DICER1: variants seen among roughly 807,000 people sequenced by gnomAD.
The protein encoded by DICER1 is endoribonuclease Dicer.
In DICER1, 43 loss-of-function variants were observed where a neutral mutation model predicts 194.1. The observed-to-expected ratio is 0.22, with a 90% CI of 0.17 to 0.29. The LOEUF (loss-of-function observed/expected upper bound fraction) is 0.29. DICER1 is among the 10% of genes least tolerant of loss of function. The probability of loss-of-function intolerance (pLI) is 1.00; values close to 1 mark genes in which losing one functional copy is unlikely to be tolerated. For synonymous variants in DICER1, 832 were observed against 820.5 expected, an observed-to-expected ratio of 1.01 and a Z score of -0.24; for missense variants, 1,608 against 2,317.0, an observed-to-expected ratio of 0.69 and a Z score of 6.28.
In DICER1 at chr14:95,090,125, T is replaced by TAA. The variant is rs1889654722; in HGVS notation, c.*372_*373insTT. On this transcript the variant is annotated 3_prime_UTR_variant, in exon 27 of 27. Coordinates refer to ENST00000343455, the MANE Select transcript of DICER1 (RefSeq NM_177438.3). ...ACATCATCCTAGGGACTGCTGGAGG[T>TAA]TTAAGCTCCATGGCCTTCTAACACT... is the stretch of plus-strand genomic sequence containing the variant. 2.6e-6 allele frequency: 1 copy of TAA among 388,798 alleles called. No homozygotes were observed. The highest frequency in any genetic ancestry group is 4.7e-6 in the Non-Finnish European group (1 of 210,574). 24.1% of individuals were successfully genotyped at this position (388,798 alleles called of 1,614,324 possible).
At chr14:95,139,926 T>G (rs1394871953) in intron 1 of DICER1, among the ~76,000 whole-genome samples, 1 of 152,178 alleles carries the variant, frequency 6.6e-6, no homozygotes, top group Non-Finnish European at 1.5e-5. Context: ...GGAAAACAAA[T>G]CCAAGACTTA....
chr14:95,149,532 A>T (rs1595506622), intron 1 of DICER1, among the ~76,000 whole-genome samples: 1 of 152,154 alleles, frequency 6.6e-6, no homozygotes, highest in East Asian at 1.9e-4. Flanking sequence ...CAACACCCAA[A>T]TCATCACGGG....
At chr14:95,115,358 A>T (rs1306377008) in intron 11 of DICER1, among the ~76,000 whole-genome samples, 2 of 152,196 alleles carry the variant, frequency 1.3e-5, no homozygotes, top group African/African-American at 4.8e-5. Context: ...TGGTTATGGC[A>T]CAAAACAAAA....
intron 6 of DICER1, among the ~76,000 whole-genome samples, chr14:95,128,765 C>A (rs79150478): frequency 1.3e-5 from 2 of 152,140 alleles, no homozygotes; most frequent in Non-Finnish European, 2.9e-5. Context: ...AATCAGTCTC[C>A]GCTACTTATT....
intron 14 of DICER1, among the ~76,000 whole-genome samples, chr14:95,109,560 C>A (rs796788519): frequency 1.4e-4 from 22 of 152,312 alleles, no homozygotes; most frequent in African/African-American, 5.3e-4. Context: ...AAACACTTAT[C>A]ATTAACGACT....
intron 14 of DICER1, among the ~76,000 whole-genome samples, chr14:95,110,122 A>G (rs976238011): frequency 3.3e-4 from 51 of 152,240 alleles, no homozygotes; most frequent in African/African-American, 1.2e-3. Flanking sequence ...AAATTCCTCC[A>G]GCACATTTCT....
chr14:95,091,015 A>C lies in DICER1; in HGVS notation c.5603+19T>G, dbSNP rs1480190636. The C allele has an allele frequency of 6.2e-7, 1 of 1,604,404 alleles. No individual in the cohort carries two copies. Among genetic ancestry groups the C allele is most frequent in the Admixed American group, 1.7e-5 (1 of 59,994 alleles). ...ATGTTTTTAAGTTAATGTTTTTTCCATGTACATTTTTTGCTTACCTAAATT... is the reference window on the plus strand; with the variant it reads ...ATGTTTTTAAGTTAATGTTTTTTCCCTGTACATTTTTTGCTTACCTAAATT... On this transcript the variant is annotated intron_variant, in intron 26 of 26. Coordinates refer to ENST00000343455, the MANE Select transcript of DICER1 (RefSeq NM_177438.3).
At chr14:95,142,018 A>T (rs1472453191) in intron 1 of DICER1, among the ~76,000 whole-genome samples, 2 of 152,242 alleles carry the variant, frequency 1.3e-5, no homozygotes, top group African/African-American at 4.8e-5. Context: ...GGCTTTAAAA[A>T]TACTTAAACA....
intron 1 of DICER1, among the ~76,000 whole-genome samples, chr14:95,137,397 G>A (rs1894477499): frequency 6.9e-6 from 1 of 144,778 alleles, no homozygotes; most frequent in Admixed American, 6.9e-5. Flanking sequence ...AAAGGTAAAG[G>A]GGAAAGGGAA....
At chr14:95,146,053 TG>T (rs751639404) in intron 1 of DICER1, among the ~76,000 whole-genome samples, 1 of 152,230 alleles carries the variant, frequency 6.6e-6, no homozygotes, top group Non-Finnish European at 1.5e-5. Context: ...CCATTTAAAA[TG>T]GTAAGTTTAT....
At chr14:95,116,796 C>T (rs1892515508) in intron 9 of DICER1, 101 bp from the exon 10 acceptor site, 3 of 1,218,642 alleles carry the variant, frequency 2.5e-6, no homozygotes, top group Non-Finnish European at 3.6e-6. Flanking sequence ...TTCTGACACA[C>T]ATGCTCTTGG....
chr14:95,099,995 G>A, intron 21 of DICER1, 60 bp from the exon 22 acceptor site: 1 of 1,579,374 alleles, frequency 6.3e-7, no homozygotes, highest in South Asian at 1.1e-5. Flanking sequence ...ATTCATTCAA[G>A]GCATATTAAC....
intron 23 of DICER1, among the ~76,000 whole-genome samples, chr14:95,095,094 C>A (rs191183789): frequency 6.6e-6 from 1 of 152,198 alleles, no homozygotes. Flanking sequence ...CCTTAACCTA[C>A]GCTGCTTTTA....
rs1060503602 is a variant in DICER1 at position 95,124,568 on chromosome 14, T to C, written c.1004A>G (p.His335Arg). The C allele has an allele frequency of 2.5e-6, 4 of 1,613,790 alleles. No homozygotes were observed. In the East Asian group the frequency reaches 6.7e-5, roughly 27 times the overall value. The change falls in exon 8 of 27, where the codon CAT becomes CGT. Residue 335 changes from histidine (H) to arginine (R), a missense_variant. Transcript: ENST00000343455. This position sits in a 1 kb window ranked among gnomAD's most constrained non-coding sequence, Gnocchi z 4.5. Reference protein sequence around the residue: ...MVRELQKYIKHEQEELHRKFL... With the variant: ...MVRELQKYIKREQEELHRKFL... ...TTTCCTGTGCAGCTCCTCTTGCTCA[T>C]GTTTGATGTATTTCTGTAGTTCTCT...
Position 95,095,177 on chromosome 14 carries a change from T to C in DICER1, c.5095+648A>G, listed in dbSNP as rs920708791. Among the ~76,000 whole-genome samples the C allele has an allele frequency of 3.7e-4, 57 of 152,318 alleles. 1 individual carries two copies. Among genetic ancestry groups the C allele is most frequent in the East Asian group, 1.9e-3 (10 of 5,192 alleles). ...GGCACTTATTTTTCTGATACAGAAA[T>C]TGAAATGTAAACTTCAGCTGTGTTT... On this transcript the variant is annotated intron_variant, in intron 23 of 26. Transcript: ENST00000343455.
intron 8 of DICER1, among the ~76,000 whole-genome samples, chr14:95,119,118 C>A: frequency 6.6e-6 from 1 of 152,012 alleles, no homozygotes; most frequent in East Asian, 1.9e-4. Flanking sequence ...ATACATACTT[C>A]CAAATTTTAT....
At chr14:95,126,494 C>T in intron 7 of DICER1, 86 bp downstream of exon 7, 2 of 853,674 alleles carry the variant, frequency 2.3e-6, no homozygotes, top group Non-Finnish European at 3.7e-6. Context: ...AAGAAAAGAG[C>T]CGCATTAAGC....
chr14:95,120,151 T>C (rs149579551), intron 8 of DICER1, among the ~76,000 whole-genome samples: 177 of 152,352 alleles, frequency 1.2e-3, no homozygotes, highest in African/African-American at 4.0e-3. Context: ...TGCCAGGTTA[T>C]TGAAATACAT....
At chr14:95,126,341 A>G (rs1893458514) in intron 7 of DICER1, among the ~76,000 whole-genome samples, 1 of 152,242 alleles carries the variant, frequency 6.6e-6, no homozygotes, top group Non-Finnish European at 1.5e-5. Flanking sequence ...TTAAATAACC[A>G]TGACATGAAT....
Sources: allele counts gnomAD v4.1 joint callset (sites outside exome capture counted in the v4.1 genomes callset), GRCh38; gene constraint gnomAD v4.1.1; non-coding constraint Gnocchi (gnomAD v3.1); transcripts MANE v1.5; gene names NCBI Gene and HGNC (gene_info 2026-07-23, HGNC 2026-07-21).